FBN1: variants seen among roughly 807,000 people sequenced by gnomAD.
FBN1 encodes the protein fibrillin-1.
Under a neutral mutation model 365.1 loss-of-function variants are expected in FBN1, and 29 were observed. That is an observed-to-expected ratio of 0.08 (90% CI 0.06 to 0.11). The LOEUF (loss-of-function observed/expected upper bound fraction) is 0.11, where lower values mean the gene tolerates loss of function less well. FBN1 is among the 10% of genes least tolerant of loss of function. The pLI is 1.00. For synonymous variants in FBN1, 1,210 were observed against 1,270.5 expected (o/e 0.95, Z 1.01); for missense variants, 2,476 against 3,703.2 (o/e 0.67, Z 8.60).
At chr15:48,613,819 T>C (rs143313088) in intron 2 of FBN1, among the ~76,000 whole-genome samples, 6 of 152,088 alleles carry the variant, frequency 3.9e-5, no homozygotes, top group Non-Finnish European at 2.9e-5. Context: ...TCCCAGCTAC[T>C]TGGGGGGCTG....
intron 7 of FBN1, among the ~76,000 whole-genome samples, chr15:48,537,060 C>T (rs1802244803): frequency 6.6e-6 from 1 of 152,114 alleles, no homozygotes; most frequent in Non-Finnish European, 1.5e-5. Context: ...GTAAGGGCTT[C>T]TACGGGAGGC....
At chr15:48,499,136 G>C (rs1210350466) in intron 17 of FBN1, 98 bp from the exon 18 acceptor site, 1 of 1,204,212 alleles carries the variant, frequency 8.3e-7, no homozygotes, top group African/African-American at 1.5e-5. Flanking sequence ...AAAGTGAGTA[G>C]AACCAAACTT....
chr15:48,582,308 TGGA>T (rs1002526657), intron 6 of FBN1, among the ~76,000 whole-genome samples: 23 of 152,352 alleles, frequency 1.5e-4, no homozygotes, highest in African/African-American at 5.3e-4. Context: ...CTCTCCCGTG[TGGA>T]GTATAAAATT....
chr15:48,548,997 T>C (rs936683048), intron 6 of FBN1, among the ~76,000 whole-genome samples: 4 of 152,258 alleles, frequency 2.6e-5, no homozygotes, highest in African/African-American at 9.6e-5. Context: ...TCCTGGGATT[T>C]CACTACTAAT....
chr15:48,561,865 T>C (rs2044224397), intron 6 of FBN1, among the ~76,000 whole-genome samples: 1 of 152,124 alleles, frequency 6.6e-6, no homozygotes, highest in Non-Finnish European at 1.5e-5. Flanking sequence ...GGAAGAACTA[T>C]TTAGCACATA....
chr15:48,500,638 G>A (rs545408992), intron 17 of FBN1, among the ~76,000 whole-genome samples: 1 of 152,268 alleles, frequency 6.6e-6, no homozygotes, highest in South Asian at 2.1e-4. Flanking sequence ...AGCTAACTCC[G>A]CGTAGTGCCA....
rs776823384 is a variant in FBN1 at position 48,434,609 on chromosome 15, T to C, written c.6601A>G (p.Met2201Val). Residue 2201 changes from methionine (M) to valine (V), a missense_variant, in exon 54 of 66, where the codon ATG becomes GTG. Physicochemically the swap from Met to Val is conservative, Grantham distance 21. Coordinates refer to ENST00000316623, the MANE Select transcript of FBN1 (RefSeq NM_000138.5). ...AGAGATGTACCTTCACATGTCATCA[T>C]TGGACCGGGCTCAAATCCCTCCTCG... ...TCEEGFEPGP[M>V]MTCEDINECA... 39 of 1,613,680 alleles carry C rather than the reference T, an allele frequency of 2.4e-5. No individual in the cohort carries two copies. The highest frequency in any genetic ancestry group is 9.9e-5 in the South Asian group (9 of 91,084).
intron 44 of FBN1, among the ~76,000 whole-genome samples, chr15:48,453,863 C>T (rs1213685743): frequency 6.6e-6 from 1 of 151,718 alleles, no homozygotes; most frequent in Non-Finnish European, 1.5e-5. Flanking sequence ...AAAGGAAGAC[C>T]GAAAGTCCAT....
chr15:48,593,634 G>T (rs1297832560), intron 6 of FBN1, among the ~76,000 whole-genome samples: 2 of 152,144 alleles, frequency 1.3e-5, no homozygotes, highest in East Asian at 3.9e-4. Flanking sequence ...TATATCTCCA[G>T]ATTTTTTGAT....
chr15:48,589,867 C>T (rs953254378), intron 6 of FBN1, among the ~76,000 whole-genome samples: 2 of 152,100 alleles, frequency 1.3e-5, no homozygotes, highest in Admixed American at 1.3e-4. Flanking sequence ...TCGCCTGCCC[C>T]GGCCTCCCAA....
At chr15:48,567,998 T>TAAAGAAAGA (rs913796914) in intron 6 of FBN1, among the ~76,000 whole-genome samples, 1 of 56,534 alleles carries the variant, frequency 1.8e-5, no homozygotes, top group African/African-American at 1.0e-4. Context: ...AGTATACAGA[T>TAAAGAAAGA]AAGAAAGAAA....
chr15:48,524,162 G>T (rs1390568361), intron 9 of FBN1, among the ~76,000 whole-genome samples: 2 of 151,984 alleles, frequency 1.3e-5, no homozygotes, highest in Admixed American at 6.6e-5. Flanking sequence ...AACCCTACAG[G>T]CAATATTACA....
At chr15:48,430,994 C>T (rs2043019486) in intron 55 of FBN1, among the ~76,000 whole-genome samples, 192 bp from the exon 56 acceptor site, 1 of 152,184 alleles carries the variant, frequency 6.6e-6, no homozygotes, top group Non-Finnish European at 1.5e-5. Flanking sequence ...CACCTTTGAA[C>T]TTGAAGAAAT....
chr15:48,505,416 A>T (rs1403717937), intron 15 of FBN1, among the ~76,000 whole-genome samples: 1 of 152,224 alleles, frequency 6.6e-6, no homozygotes, highest in African/African-American at 2.4e-5. Context: ...TCACAAAGGC[A>T]AAAACAGAAT....
intron 24 of FBN1, among the ~76,000 whole-genome samples, chr15:48,490,608 T>A (rs980284601): frequency 1.3e-5 from 2 of 152,354 alleles, no homozygotes; most frequent in African/African-American, 4.8e-5. Context: ...AGAAAAGCCA[T>A]TCACTTTACT....
intron 10 of FBN1, among the ~76,000 whole-genome samples, chr15:48,517,056 C>G (rs2043810511): frequency 6.6e-6 from 1 of 152,188 alleles, no homozygotes; most frequent in African/African-American, 2.4e-5. Flanking sequence ...TCCTAGTTTT[C>G]TGGTTGAGCA....
rs755487996 is a variant in FBN1, at chr15:48,600,253, G to T, written c.347-19C>A. 1.8e-5 allele frequency: 29 copies of T among 1,600,078 alleles called. No individual in the cohort carries two copies. The highest frequency in any genetic ancestry group is 5.0e-5 in the Admixed American group (3 of 59,964). The stretch of plus-strand genomic sequence containing the variant: ...TGTTGTACTTGAAAAAAAAGAAGAA[G>T]AATTCACTTTTGCAACTTAAATGCA... On this transcript the variant is annotated intron_variant, in intron 4 of 65. Coordinates refer to ENST00000316623, the MANE Select transcript of FBN1 (RefSeq NM_000138.5).
intron 2 of FBN1, among the ~76,000 whole-genome samples, chr15:48,616,046 C>T (rs2140742014): frequency 6.6e-6 from 1 of 152,312 alleles, no homozygotes; most frequent in Non-Finnish European, 1.5e-5. Context: ...AAAGCAATAA[C>T]TAGACTTTCG....
chr15:48,582,950 C>CTCA (rs2044406914), intron 6 of FBN1, among the ~76,000 whole-genome samples: 1 of 152,264 alleles, frequency 6.6e-6, no homozygotes, highest in East Asian at 1.9e-4. Flanking sequence ...TGGGAAGAGT[C>CTCA]TCATGGTCAG....
Sources: allele counts gnomAD v4.1 joint callset (sites outside exome capture counted in the v4.1 genomes callset), GRCh38; gene constraint gnomAD v4.1.1; transcripts MANE v1.5; gene names NCBI Gene and HGNC (gene_info 2026-07-23, HGNC 2026-07-21).